CD276: variants seen among roughly 807,000 people sequenced by gnomAD.
CD276 encodes the protein CD276 antigen.
A neutral mutation model predicts 50.0 loss-of-function variants in CD276; 34 were observed. That is an observed-to-expected ratio of 0.68 (90% CI 0.52 to 0.91). CD276 has a LOEUF of 0.91. Ranked by LOEUF, CD276 falls within the 40% of genes least tolerant of loss-of-function variation. CD276 has a pLI of 0.00. For synonymous variants in CD276, 275 were observed against 313.0 expected (o/e 0.88, Z 1.28); for missense variants, 634 against 717.5 (o/e 0.88, Z 1.33).
chr15:73,685,453 T>TTGTGTGTGTG (rs55859831), intron 1 of CD276, among the ~76,000 whole-genome samples: 119 of 131,928 alleles, frequency 9.0e-4, no homozygotes, highest in Middle Eastern at 4.0e-3. Context: ...CAAAAAAGAT[T>TTGTGTGTGTG]TGTGTGTGTG....
Position 73,704,684 on chromosome 15 carries a change from G to A in CD276, c.1369+212G>A, listed in dbSNP as rs546341968. Reference sequence around the variant, plus strand: ...GTTTGCCTTCCTAAGAGTGCTTTTCGTGGCACTTATGCTTCTTATGCAGAG... The same window carrying A: ...GTTTGCCTTCCTAAGAGTGCTTTTCATGGCACTTATGCTTCTTATGCAGAG... On this transcript the variant is annotated intron_variant, in intron 6 of 9. Transcript: ENST00000318443. The surrounding 1 kb of genome is among the most constrained non-coding windows in gnomAD (Gnocchi z 4.1). Among the ~76,000 whole-genome samples the A allele has an allele frequency of 2.6e-5, 4 of 152,284 alleles. No homozygotes were observed. Among genetic ancestry groups the A allele is most frequent in the South Asian group, 4.1e-4 (2 of 4,828 alleles).
chr15:73,701,092 C>T (rs1900370355), intron 2 of CD276, among the ~76,000 whole-genome samples: 1 of 151,282 alleles, frequency 6.6e-6, no homozygotes, highest in South Asian at 2.1e-4. Flanking sequence ...GGTGGGGTTT[C>T]ACCATATCTG....
rs1026053563 is a variant in CD276, at chr15:73,704,726, G to A, written c.1369+254G>A. Reference sequence around the variant, plus strand: ...TATGCAGAGGACAAGGTACCTGCCCGAAATTTGGAGGCATGGGCAGGAATT... The same window carrying A: ...TATGCAGAGGACAAGGTACCTGCCCAAAATTTGGAGGCATGGGCAGGAATT... On this transcript the variant is annotated intron_variant, in intron 6 of 9. Coordinates refer to ENST00000318443, the MANE Select transcript of CD276 (RefSeq NM_001024736.2). This position sits in a 1 kb window ranked among gnomAD's most constrained non-coding sequence, Gnocchi z 4.1. Among the ~76,000 whole-genome samples, 2 of 152,178 alleles carry A rather than the reference G, an allele frequency of 1.3e-5. No individual in the cohort carries two copies. The highest frequency in any genetic ancestry group is 2.4e-5 in the African/African-American group (1 of 41,450).
chr15:73,713,065 T>G lies in CD276; in HGVS notation c.*109T>G. The G allele has an allele frequency of 1.0e-6, 1 of 1,000,658 alleles. No individual in the cohort carries two copies. The highest frequency in any genetic ancestry group is 1.5e-6 in the Non-Finnish European group (1 of 665,000). 62.0% of individuals were successfully genotyped at this position (1,000,658 alleles called of 1,614,324 possible). A position where few individuals can be genotyped will look rare whatever the true frequency, so the allele number is the denominator to read the frequency against. ...AACAGATGCATCCTGCTCTGACAGGTGGGCTCCTTCTCCAAAGGATGCGAT... is the reference window on the plus strand; with the variant it reads ...AACAGATGCATCCTGCTCTGACAGGGGGGCTCCTTCTCCAAAGGATGCGAT... On this transcript the variant is annotated 3_prime_UTR_variant, in exon 10 of 10. Transcript: ENST00000318443.
chr15:73,711,013 G>A, intron 8 of CD276, 122 bp from the exon 9 acceptor site: 1 of 940,616 alleles, frequency 1.1e-6, no homozygotes, highest in Non-Finnish European at 1.7e-6. Flanking sequence ...GTGCTATGAA[G>A]TGGTCCCACT....
In CD276 at chr15:73,705,392, T is replaced by G. The variant is rs573302841; in HGVS notation, c.1369+920T>G. ...TCAGGACTCACTTATTCCTGTCCTC[T>G]CCCTCTTGAGACCTATGTGGTCCCC... On this transcript the variant is annotated intron_variant, in intron 6 of 9. Transcript: ENST00000318443. 2.0e-5 allele frequency among the ~76,000 whole-genome samples: 3 copies of G among 152,220 alleles called. No individual in the cohort carries two copies. The South Asian group carries it at 6.2e-4, about 32-fold the overall frequency.
At position 73,703,664 on chromosome 15, in the gene CD276, G is replaced by C. The variant is rs760479536; in HGVS notation, c.739G>C (p.Val247Leu). 1.7e-5 allele frequency: 27 copies of C among 1,607,306 alleles called. No homozygotes were observed. The South Asian group carries it at 2.8e-4, about 16-fold the overall frequency. ...CCCTCTGACCCCGCCCCCAGGAGCC[G>C]TGGAGGTCCAGGTCCCTGAGGACCC... ...ITPQRSPTGA[V>L]EVQVPEDPVV... Residue 247 changes from valine to leucine, a missense_variant, in exon 5 of 10, where the codon GTG becomes CTG. By Grantham distance (32) the Val-to-Leu change is conservative. Coordinates refer to ENST00000318443, the MANE Select transcript of CD276 (RefSeq NM_001024736.2).
In CD276 at chr15:73,704,931, CCT is replaced by C. The variant is rs1233505903; in HGVS notation, c.1369+460_1369+461del. Among the ~76,000 whole-genome samples the C allele has an allele frequency of 7.2e-5, 11 of 152,218 alleles. No individual in the cohort carries two copies. The highest frequency in any genetic ancestry group is 1.3e-4 in the Non-Finnish European group (9 of 68,030). ...ACCTGAGTCAACGTCAGCTCTTCTT[CCT>C]GCAGACTTGCGCTCCACCCAGGCAG... On this transcript the variant is annotated intron_variant, in intron 6 of 9. Coordinates refer to ENST00000318443, the MANE Select transcript of CD276 (RefSeq NM_001024736.2). This position sits in a 1 kb window ranked among gnomAD's most constrained non-coding sequence, Gnocchi z 4.1.
intron 7 of CD276, 61 bp downstream of exon 7, chr15:73,708,534 C>G: frequency 2.6e-6 from 4 of 1,546,742 alleles, no homozygotes; most frequent in Admixed American, 3.8e-5. Flanking sequence ...GGGTATGTTG[C>G]TGTCTTTGAT....
intron 1 of CD276, among the ~76,000 whole-genome samples, chr15:73,695,811 C>A (rs1243207348): frequency 1.3e-5 from 2 of 152,338 alleles, no homozygotes; most frequent in South Asian, 4.1e-4. Flanking sequence ...GTCTTTCTGA[C>A]CCTTTTTGTC....
At position 73,714,268 on chromosome 15, in the gene CD276, C is replaced by T. The variant is rs1035457831; in HGVS notation, c.*1312C>T. 9 of 172,940 alleles carry T rather than the reference C, an allele frequency of 5.2e-5. No homozygotes were observed. The highest frequency in any genetic ancestry group is 8.4e-5 in the Non-Finnish European group (7 of 83,132). The allele number at this position is 172,940 out of a possible 1,614,324, so 10.7% of individuals were successfully genotyped here. ...AGGGCCAGGAATGCTTTGGGGACACCGAGGGGACTGCCCCCCACCCCCACC... is the reference window on the plus strand; with the variant it reads ...AGGGCCAGGAATGCTTTGGGGACACTGAGGGGACTGCCCCCCACCCCCACC... On this transcript the variant is annotated 3_prime_UTR_variant, in exon 10 of 10. Coordinates refer to ENST00000318443, the MANE Select transcript of CD276 (RefSeq NM_001024736.2).
chr15:73,711,794 T>C (rs1351446560), intron 9 of CD276: 1 of 152,798 alleles, frequency 6.5e-6, no homozygotes, highest in Non-Finnish European at 1.5e-5. Flanking sequence ...ATACAGGAGA[T>C]AGGTCATTTC....
chr15:73,702,591 C>G lies in CD276; in HGVS notation c.416C>G (p.Ala139Gly). 1 of 1,604,376 alleles carries G rather than the reference C, an allele frequency of 6.2e-7. No individual in the cohort carries two copies. Residue 139 changes from alanine to glycine, a missense_variant and splice_region_variant, in exon 3 of 10, where the codon GCC becomes GGC. Coordinates refer to ENST00000318443, the MANE Select transcript of CD276 (RefSeq NM_001024736.2). ...FGSAAVSLQV[A>G]APYSKPSMTL... ...AGCGCTGCCGTCAGCCTGCAGGTGG[C>G]CGGTGAGCACCAGGAGGGGGACGCC...
chr15:73,704,518 C>A lies in CD276; in HGVS notation c.1369+46C>A. ...GGGGAAGGACGGAGCGAGTAACTCC[C>A]TCTTTACTGGACCCTAACGTGGAAT... is the stretch of plus-strand genomic sequence containing the variant. On this transcript the variant is annotated intron_variant, in intron 6 of 9. Transcript: ENST00000318443. The surrounding 1 kb of genome is among the most constrained non-coding windows in gnomAD (Gnocchi z 4.1). The A allele has an allele frequency of 1.3e-6, 2 of 1,570,980 alleles. No individual in the cohort carries two copies. The highest frequency in any genetic ancestry group is 4.7e-5 in the East Asian group (2 of 42,850).
chr15:73,699,730 A>G lies in CD276; in HGVS notation c.79+12A>G. The G allele has an allele frequency of 6.3e-7, 1 of 1,588,218 alleles. No homozygotes were observed. Among genetic ancestry groups the G allele is most frequent in the Non-Finnish European group, 8.6e-7 (1 of 1,165,770 alleles). ...GTTCTGCCTCACAGGTGAGGGTAGCAGCATGGGGACGGGAGGGGAGGGACA... is the reference window on the plus strand; with the variant it reads ...GTTCTGCCTCACAGGTGAGGGTAGCGGCATGGGGACGGGAGGGGAGGGACA... On this transcript the variant is annotated intron_variant, in intron 2 of 9. Coordinates refer to ENST00000318443, the MANE Select transcript of CD276 (RefSeq NM_001024736.2).
At position 73,713,038 on chromosome 15, in the gene CD276, C is replaced by G. The variant is rs1900973765; in HGVS notation, c.*82C>G. 7.8e-7 allele frequency: 1 copy of G among 1,286,294 alleles called. No individual in the cohort carries two copies. Among genetic ancestry groups the G allele is most frequent in the Non-Finnish European group, 1.1e-6 (1 of 898,448 alleles). 79.7% of individuals were successfully genotyped at this position (1,286,294 alleles called of 1,614,324 possible). On this transcript the variant is annotated 3_prime_UTR_variant, in exon 10 of 10. Coordinates refer to ENST00000318443, the MANE Select transcript of CD276 (RefSeq NM_001024736.2). ...TGGGGCTGCACTGTGAGCCCTGCCCCCAACAGATGCATCCTGCTCTGACAG... is the reference window on the plus strand; with the variant it reads ...TGGGGCTGCACTGTGAGCCCTGCCCGCAACAGATGCATCCTGCTCTGACAG...
At chr15:73,686,276 T>C in intron 1 of CD276, 1 of 985,136 alleles carries the variant, frequency 1.0e-6, no homozygotes, top group Non-Finnish European at 1.2e-6. Flanking sequence ...TCTAGACTCC[T>C]GTGCTGTGAG....
At chr15:73,698,912 A>G (rs1900271484) in intron 1 of CD276, among the ~76,000 whole-genome samples, 1 of 152,204 alleles carries the variant, frequency 6.6e-6, no homozygotes, top group Non-Finnish European at 1.5e-5. Context: ...AATCCAGTCT[A>G]TGCTGAGGAG....
intron 1 of CD276, among the ~76,000 whole-genome samples, chr15:73,685,481 G>GTGTT (rs1271885070): frequency 6.9e-6 from 1 of 145,780 alleles, no homozygotes; most frequent in Non-Finnish European, 1.5e-5. Context: ...GTGTGTGTGT[G>GTGTT]TGTGTGTGTG....
Sources: gnomAD v4.1 joint callset for allele counts (sites outside exome capture counted in the v4.1 genomes callset) on GRCh38, gnomAD v4.1.1 for gene constraint, Gnocchi (gnomAD v3.1) non-coding constraint, MANE v1.5 for transcripts, NCBI Gene and HGNC (gene_info 2026-07-23, HGNC 2026-07-21) for gene names.